The following C10orf67 variants were observed in gnomAD, a reference collection of about 807,000 sequenced individuals.
C10orf67 encodes chromosome 10 open reading frame 67.
Under a neutral mutation model 35.6 loss-of-function variants are expected in C10orf67, and 60 were observed. That is an observed-to-expected ratio of 1.68 (90% confidence interval 1.37 to 2.09). The LOEUF is 2.09. Ranked by LOEUF, C10orf67 falls within the 30% of genes most tolerant of loss-of-function variation. The pLI, the probability that C10orf67 is intolerant of heterozygous loss-of-function variation, is 0.00. For missense variants in C10orf67, 474 were observed against 330.2 expected, an observed-to-expected ratio of 1.44 and a Z score of -3.38; for synonymous variants, 167 against 115.8, an observed-to-expected ratio of 1.44 and a Z score of -2.84.
At chr10:23,204,526 A>G (rs1841108205) in intron 15 of C10orf67, among the ~76,000 whole-genome samples, 2 of 152,146 alleles carry the variant, frequency 1.3e-5, no homozygotes, top group African/African-American at 2.4e-5. Flanking sequence ...CCCAGGCTGC[A>G]GGAATGGTCT....
intron 10 of C10orf67, among the ~76,000 whole-genome samples, chr10:23,256,890 G>T (rs1275302420): frequency 6.6e-6 from 1 of 152,156 alleles, no homozygotes; most frequent in Non-Finnish European, 1.5e-5. Flanking sequence ...GGCCAACCAG[G>T]CTCAAAGAAG....
chr10:23,337,135 A>G (rs1845717878), intron 1 of C10orf67, among the ~76,000 whole-genome samples: 1 of 152,200 alleles, frequency 6.6e-6, no homozygotes, highest in African/African-American at 2.4e-5. Context: ...ATATGAATGA[A>G]TGAATGAATG....
At chr10:23,208,234 T>C (rs1841209996) in intron 15 of C10orf67, among the ~76,000 whole-genome samples, 2 of 152,240 alleles carry the variant, frequency 1.3e-5, no homozygotes, top group Admixed American at 1.3e-4. Context: ...GTAACTCACC[T>C]TGACATCTGC....
chr10:23,334,091 T>C (rs978830240), intron 1 of C10orf67, among the ~76,000 whole-genome samples: 2 of 152,262 alleles, frequency 1.3e-5, no homozygotes, highest in African/African-American at 4.8e-5. Context: ...CAACTATCAA[T>C]AGATAGGACC....
At chr10:23,333,560 C>T (rs753322851) in intron 1 of C10orf67, among the ~76,000 whole-genome samples, 17 of 152,036 alleles carry the variant, frequency 1.1e-4, no homozygotes, top group African/African-American at 1.9e-4. Flanking sequence ...AAGTATGGGC[C>T]GAGGACCCCT....
At chr10:23,215,850 A>T (rs1347879726) in intron 15 of C10orf67, among the ~76,000 whole-genome samples, 1 of 152,242 alleles carries the variant, frequency 6.6e-6, no homozygotes, top group Non-Finnish European at 1.5e-5. Context: ...GAGAATGACC[A>T]CAGTTATCAG....
chr10:23,295,007 G>T (rs1282182519), intron 5 of C10orf67, among the ~76,000 whole-genome samples: 2 of 152,194 alleles, frequency 1.3e-5, no homozygotes, highest in South Asian at 2.1e-4. Flanking sequence ...TCTTGAAATG[G>T]TGACACGTAT....
intron 4 of C10orf67, among the ~76,000 whole-genome samples, chr10:23,310,475 C>A (rs932632659): frequency 6.6e-6 from 1 of 152,200 alleles, no homozygotes; most frequent in South Asian, 2.1e-4. Context: ...TTGACAGTAA[C>A]CTGCTGCCTT....
intron 1 of C10orf67, among the ~76,000 whole-genome samples, chr10:23,342,078 C>G (rs751695464): frequency 5.3e-5 from 8 of 152,036 alleles, no homozygotes; most frequent in Non-Finnish European, 7.4e-5. Flanking sequence ...GTGGAGGGAT[C>G]GCTTGACTCC....
intron 4 of C10orf67, among the ~76,000 whole-genome samples, chr10:23,309,365 A>T (rs1292833055): frequency 6.6e-6 from 1 of 152,188 alleles, no homozygotes; most frequent in Non-Finnish European, 1.5e-5. Context: ...AAGGACGAAA[A>T]TAATGGACAC....
At chr10:23,292,711 C>T (rs116886136) in intron 5 of C10orf67, among the ~76,000 whole-genome samples, 2,180 of 149,840 alleles carry the variant, frequency 0.015, 142 homozygotes, top group Admixed American at 0.11. Context: ...AATGAAATTA[C>T]GTATGGTATA....
chr10:23,259,986 T>C (rs1233524279), intron 10 of C10orf67, among the ~76,000 whole-genome samples: 7 of 152,108 alleles, frequency 4.6e-5, no homozygotes, highest in African/African-American at 1.2e-4. Flanking sequence ...TTGTAGATAA[T>C]GTTTAGGAGT....
At chr10:23,213,235 G>A (rs1475418570) in intron 15 of C10orf67, among the ~76,000 whole-genome samples, 1 of 152,146 alleles carries the variant, frequency 6.6e-6, no homozygotes, top group Admixed American at 6.5e-5. Flanking sequence ...ATGTAGATTG[G>A]AGGCATGGAG....
intron 4 of C10orf67, among the ~76,000 whole-genome samples, chr10:23,312,224 C>T (rs1281624078): frequency 1.3e-5 from 2 of 152,240 alleles, no homozygotes; most frequent in African/African-American, 2.4e-5. Context: ...TAAATAAATG[C>T]ATTAGTTATT....
At chr10:23,233,766 T>C (rs1028446563) in intron 13 of C10orf67, among the ~76,000 whole-genome samples, 6 of 152,228 alleles carry the variant, frequency 3.9e-5, no homozygotes, top group African/African-American at 1.4e-4. Context: ...TCTTGCAGAA[T>C]GTTTTAAGAC....
intron 5 of C10orf67, among the ~76,000 whole-genome samples, chr10:23,297,271 C>CCTTTCCTTTCCTTTCCTTTCCTTTCCTT: frequency 6.7e-6 from 1 of 148,562 alleles, no homozygotes; most frequent in South Asian, 2.2e-4. Flanking sequence ...CCTTTCCTTT[C>CCTTTCCTTTCCTTTCCTTTCCTTTCCTT]TGATGACCCC....
intron 7 of C10orf67, 115 bp from the exon 8 acceptor site, chr10:23,282,193 T>A: frequency 2.7e-6 from 1 of 372,510 alleles, no homozygotes; most frequent in Non-Finnish European, 5.0e-6. Context: ...GATCTCAATC[T>A]GATCAAAAGA....
intron 1 of C10orf67, among the ~76,000 whole-genome samples, chr10:23,342,916 C>T (rs1213526298): frequency 1.3e-5 from 2 of 152,248 alleles, no homozygotes; most frequent in Non-Finnish European, 2.9e-5. Context: ...CACCTGGCAC[C>T]ATGAGGCCCC....
chr10:23,293,278 C>G (rs1843777956), intron 5 of C10orf67, among the ~76,000 whole-genome samples: 1 of 152,210 alleles, frequency 6.6e-6, no homozygotes, highest in African/African-American at 2.4e-5. Context: ...CTCCACATAT[C>G]AAACCACAAC....
Sources: allele counts gnomAD v4.1 joint callset (sites outside exome capture counted in the v4.1 genomes callset), GRCh38; gene constraint gnomAD v4.1.1; transcripts MANE v1.5; gene names NCBI Gene and HGNC (gene_info 2026-07-23, HGNC 2026-07-21).